Variants in MTPAP observed in about 807,000 individuals in gnomAD.
MTPAP encodes the protein mitochondrial poly(A) polymerase.
In MTPAP, 23 loss-of-function variants were observed where a neutral mutation model predicts 48.7. The ratio of observed to expected loss-of-function variants is 0.47; its 90% CI spans 0.34 to 0.67. The LOEUF (loss-of-function observed/expected upper bound fraction) is 0.67. Ranked by LOEUF, MTPAP falls within the 30% of genes least tolerant of loss-of-function variation. The pLI, the probability that MTPAP is intolerant of heterozygous loss-of-function variation, is 0.01. For synonymous variants in MTPAP, 257 were observed against 254.1 expected, an observed-to-expected ratio of 1.01 and a Z score of -0.11; for missense variants, 614 against 694.3, an observed-to-expected ratio of 0.88 and a Z score of 1.30.
chr10:30,319,249 A>G (rs1046431272), intron 6 of MTPAP, among the ~76,000 whole-genome samples: 2 of 152,238 alleles, frequency 1.3e-5, no homozygotes, highest in African/African-American at 4.8e-5. Context: ...ACAATGTGAA[A>G]AAGTTTGGTC....
At chr10:30,331,518 C>G (rs891317873) in intron 4 of MTPAP, among the ~76,000 whole-genome samples, 1 of 152,216 alleles carries the variant, frequency 6.6e-6, no homozygotes, top group South Asian at 2.1e-4. Flanking sequence ...ATGTAACCAA[C>G]TTTTACACAC....
Position 30,341,509 on chromosome 10 carries a change from G to A in MTPAP, c.289C>T (p.Gln97Ter). The change falls in exon 2 of 9, where the codon CAA becomes TAA. Residue 97 changes from glutamine to a stop codon, truncating the protein, a stop_gained. Coordinates refer to ENST00000263063, the MANE Select transcript of MTPAP (RefSeq NM_018109.4). LOFTEE classifies it high-confidence loss of function. ...AAATGATTATTAATAGGTCCAAATT[G>A]GGATAAATATTTAAGAAACTTGTTT... ...SENKFLKYLS[Q>*]FGPINNHFFY... is the part of the protein sequence containing the mutation. 6.2e-7 allele frequency: 1 copy of A among 1,613,744 alleles called. No individual in the cohort carries two copies. Among genetic ancestry groups the A allele is most frequent in the Non-Finnish European group, 8.5e-7 (1 of 1,179,800 alleles).
intron 6 of MTPAP, among the ~76,000 whole-genome samples, chr10:30,320,505 G>T (rs994910400): frequency 6.6e-6 from 1 of 152,080 alleles, no homozygotes; most frequent in Admixed American, 6.6e-5. Context: ...CTGGGCAACA[G>T]AGCAAGACCC....
At chr10:30,314,884 C>CAAAAA (rs34249388) in intron 8 of MTPAP, among the ~76,000 whole-genome samples, 2,082 of 110,432 alleles carry the variant, frequency 0.019, 4 homozygotes, top group African/African-American at 0.029. Context: ...AAAACAAAAA[C>CAAAAA]AAAAAAAAAA....
At position 30,341,585 on chromosome 10, in the gene MTPAP, T is replaced by C; in HGVS notation, c.213A>G (p.Arg71=). ...RRFSEMQNER[R]EQAQRTVLIH... is the part of the protein sequence containing the mutation. ...TTAAAACAGTCCGCTGTGCCTGTTC[T>C]CGTCTTTCATTTTGCATCTCAGAGA... The change falls in exon 2 of 9, where the codon CGA becomes CGG. Residue 71 remains arginine (R), a synonymous_variant. Transcript: ENST00000263063. 1 of 1,614,172 alleles carries C rather than the reference T, an allele frequency of 6.2e-7. No homozygotes were observed. The highest frequency in any genetic ancestry group is 2.2e-5 in the East Asian group (1 of 44,874).
In MTPAP at chr10:30,336,897, G is replaced by A. The variant is rs1455420617; in HGVS notation, c.686C>T (p.Pro229Leu). Reference protein sequence around the residue: ...AAYFPDCIVRPFGSSVNTFGK... With the variant: ...AAYFPDCIVRLFGSSVNTFGK... Reference sequence around the variant, plus strand: ...AAAAGTGTTGACTGAGGAGCCAAAGGGTCTGACTATGCAGTCTGGAAAATA... The same window carrying A: ...AAAAGTGTTGACTGAGGAGCCAAAGAGTCTGACTATGCAGTCTGGAAAATA... The change falls in exon 4 of 9, where the codon CCC becomes CTC. Residue 229 changes from proline to leucine, a missense_variant. Coordinates refer to ENST00000263063, the MANE Select transcript of MTPAP (RefSeq NM_018109.4). The A allele has an allele frequency of 6.2e-7, 1 of 1,613,120 alleles. No individual in the cohort carries two copies. The highest frequency in any genetic ancestry group is 1.7e-5 in the Admixed American group (1 of 60,012).
intron 5 of MTPAP, among the ~76,000 whole-genome samples, chr10:30,325,424 T>C (rs1834573740): frequency 6.6e-6 from 1 of 152,180 alleles, no homozygotes; most frequent in East Asian, 1.9e-4. Context: ...AATGAGAAGT[T>C]AAGAAATAAA....
In MTPAP at chr10:30,322,730, T is replaced by C. The variant is rs1840739632; in HGVS notation, c.993-113A>G. 4 of 752,660 alleles carry C rather than the reference T, an allele frequency of 5.3e-6. No individual in the cohort carries two copies. The East Asian group carries it at 8.0e-5, about 15-fold the overall frequency. The allele number at this position is 752,660 out of a possible 1,614,324, so 46.6% of individuals were successfully genotyped here. On this transcript the variant is annotated intron_variant, in intron 5 of 8. Transcript: ENST00000263063. ...AATATCCTACTATATCTGAATGTAT[T>C]CAGAACATCATTAGGTAATCAAAAG...
chr10:30,345,337 AG>A (rs898771082), intron 1 of MTPAP, among the ~76,000 whole-genome samples: 3 of 152,238 alleles, frequency 2.0e-5, no homozygotes, highest in African/African-American at 7.2e-5. Context: ...ATAAATATTT[AG>A]GTGGTTTACC....
intron 1 of MTPAP, among the ~76,000 whole-genome samples, chr10:30,343,650 C>T (rs1834838119): frequency 6.6e-6 from 1 of 152,058 alleles, no homozygotes; most frequent in Non-Finnish European, 1.5e-5. Context: ...TCACTGCAAT[C>T]TCCGCCTCCC....
In MTPAP at chr10:30,322,576, G is replaced by C. The variant is rs761146082; in HGVS notation, c.1034C>G (p.Ala345Gly). The C allele has an allele frequency of 1.6e-5, 26 of 1,613,738 alleles. No individual in the cohort carries two copies. The highest frequency in any genetic ancestry group is 1.6e-4 in the Middle Eastern group (1 of 6,084). The stretch of plus-strand genomic sequence containing the variant: ...CAAGGCTCTCACTCTTGAGTCTAGG[G>C]CACCATATATATAAAGGAGTTCGGA... ...TSSELLYIYG[A>G]LDSRVRALVF... is the part of the protein sequence containing the mutation. Residue 345 changes from alanine to glycine, a missense_variant, in exon 6 of 9, where the codon GCC becomes GGC. Around this residue, in one of 5 missense-constraint regions of MTPAP, gnomAD observed 261 missense variants for 355.4 expected, o/e 0.73. Coordinates refer to ENST00000263063, the MANE Select transcript of MTPAP (RefSeq NM_018109.4).
intron 5 of MTPAP, among the ~76,000 whole-genome samples, chr10:30,323,558 A>G (rs572897469): frequency 1.5e-3 from 230 of 152,050 alleles, no homozygotes; most frequent in African/African-American, 5.2e-3. Flanking sequence ...CGCCCAGGCT[A>G]GAGCGCAATG....
At chr10:30,326,206 T>C (rs964651443) in intron 5 of MTPAP, among the ~76,000 whole-genome samples, 1 of 152,194 alleles carries the variant, frequency 6.6e-6, no homozygotes, top group Non-Finnish European at 1.5e-5. Context: ...TATGTGAACA[T>C]TTTAACACAA....
intron 4 of MTPAP, among the ~76,000 whole-genome samples, chr10:30,332,577 A>G (rs1834681841): frequency 6.6e-6 from 1 of 152,138 alleles, no homozygotes; most frequent in Non-Finnish European, 1.5e-5. Flanking sequence ...TACAGGCTTG[A>G]GCCACTGTGC....
At chr10:30,322,815 C>T (rs1459702504) in intron 5 of MTPAP, among the ~76,000 whole-genome samples, 198 bp from the exon 6 acceptor site, 1 of 151,868 alleles carries the variant, frequency 6.6e-6, no homozygotes, top group South Asian at 2.1e-4. Context: ...TACATTCATT[C>T]CCATTAAAAC....
At chr10:30,343,390 A>C (rs1454178105) in intron 1 of MTPAP, among the ~76,000 whole-genome samples, 1 of 149,514 alleles carries the variant, frequency 6.7e-6, no homozygotes, top group Admixed American at 6.6e-5. Flanking sequence ...CCTGAGTGAC[A>C]GAGGGAGACT....
chr10:30,313,397 T>G lies in MTPAP; in HGVS notation c.*212A>C, dbSNP rs898044538. 1 of 617,832 alleles carries G rather than the reference T, an allele frequency of 1.6e-6. No homozygotes were observed. The highest frequency in any genetic ancestry group is 1.9e-5 in the South Asian group (1 of 52,632). 38.3% of individuals were successfully genotyped at this position (617,832 alleles called of 1,614,324 possible). A position where few individuals can be genotyped will look rare whatever the true frequency, so the allele number is the denominator to read the frequency against. On this transcript the variant is annotated 3_prime_UTR_variant, in exon 9 of 9. Coordinates refer to ENST00000263063, the MANE Select transcript of MTPAP (RefSeq NM_018109.4). ...GGTGTGCACCGCCACACTCCACAGC[T>G]GATGTTTTAATAAAGTGCCACTGAG...
chr10:30,313,329 A>G lies in MTPAP; in HGVS notation c.*280T>C. ...ACGATGGATTCAAAATCCTGGGCTC[A>G]AGAGATCCTCCTGCCTCAGCCTCCT... On this transcript the variant is annotated 3_prime_UTR_variant, in exon 9 of 9. Coordinates refer to ENST00000263063, the MANE Select transcript of MTPAP (RefSeq NM_018109.4). 2.3e-6 allele frequency: 1 copy of G among 427,838 alleles called. No individual in the cohort carries two copies. Among genetic ancestry groups the G allele is most frequent in the Admixed American group, 3.9e-5 (1 of 25,696 alleles). 26.5% of individuals were successfully genotyped at this position (427,838 alleles called of 1,614,324 possible).
In MTPAP at chr10:30,340,313, C is replaced by G. The variant is rs547303023; in HGVS notation, c.468G>C (p.Gln156His). The G allele has an allele frequency of 3.7e-5, 60 of 1,614,160 alleles. No individual in the cohort carries two copies. The highest frequency in any genetic ancestry group is 5.0e-5 in the Admixed American group (3 of 60,024). ...SRFFNLKLKNQTSERSRVRSS... is the reference protein window; with the variant it reads ...SRFFNLKLKNHTSERSRVRSS... ...ACCGTACGCGTGACCGTTCAGAAGT[C>G]TGGTTTTTCAACTTCAGATTGAAGA... The change falls in exon 3 of 9, where the codon CAG becomes CAC. Residue 156 changes from glutamine (Q) to histidine (H), a missense_variant. Gln to His is a conservative substitution (Grantham distance 24, BLOSUM62 0). Around this residue, in one of 5 missense-constraint regions of MTPAP, gnomAD observed 114 missense variants for 107.9 expected, o/e 1.06. Coordinates refer to ENST00000263063, the MANE Select transcript of MTPAP (RefSeq NM_018109.4).
Sources: allele counts gnomAD v4.1 joint callset (sites outside exome capture counted in the v4.1 genomes callset), GRCh38; gene constraint gnomAD v4.1.1; regional missense constraint gnomAD v4.1.1; transcripts MANE v1.5; gene names NCBI Gene and HGNC (gene_info 2026-07-23, HGNC 2026-07-21).